The following CDH13 variants were observed in gnomAD, a reference collection of about 807,000 sequenced individuals.
CDH13 encodes cadherin 13, also known as cadherin-13.
Under a neutral mutation model 63.8 loss-of-function variants are expected in CDH13, and 24 were observed. That is an observed-to-expected ratio of 0.38 (90% CI 0.27 to 0.53). The LOEUF (loss-of-function observed/expected upper bound fraction) is 0.53. CDH13 is among the 20% of genes least tolerant of loss of function. The pLI is 0.85. For synonymous variants in CDH13, 503 were observed against 355.3 expected (o/e 1.42, Z -4.67); for missense variants, 1,049 against 903.1 (o/e 1.16, Z -2.07).
chr16:83,281,484 A>G (rs2089174154), intron 5 of CDH13, among the ~76,000 whole-genome samples: 1 of 152,218 alleles, frequency 6.6e-6, no homozygotes, highest in Admixed American at 6.5e-5. Flanking sequence ...CTTCCTTGCC[A>G]TTCATGTGTT....
chr16:83,095,470 A>G (rs904135157), intron 3 of CDH13, among the ~76,000 whole-genome samples: 3 of 152,212 alleles, frequency 2.0e-5, no homozygotes, highest in Non-Finnish European at 4.4e-5. Flanking sequence ...ACCTATCCTC[A>G]CCCTGCTTTT....
At chr16:82,980,922 C>G (rs752637769) in intron 2 of CDH13, among the ~76,000 whole-genome samples, 25 of 152,306 alleles carry the variant, frequency 1.6e-4, no homozygotes, top group Middle Eastern at 3.4e-3. Context: ...AATTGAGTGT[C>G]TTGAAACCCT....
intron 6 of CDH13, among the ~76,000 whole-genome samples, chr16:83,416,307 C>T (rs919056845): frequency 2.6e-5 from 4 of 152,172 alleles, no homozygotes; most frequent in Admixed American, 1.3e-4. Flanking sequence ...ATTGTTAAAA[C>T]ATCCACATTA....
intron 2 of CDH13, among the ~76,000 whole-genome samples, chr16:82,939,034 G>C (rs2042752376): frequency 6.6e-6 from 1 of 152,208 alleles, no homozygotes; most frequent in Non-Finnish European, 1.5e-5. Flanking sequence ...CCTGCAATGG[G>C]AGGTTGTCTG....
chr16:82,913,285 G>C (rs560960308), intron 2 of CDH13, among the ~76,000 whole-genome samples: 5 of 152,150 alleles, frequency 3.3e-5, no homozygotes, highest in Non-Finnish European at 7.4e-5. Context: ...TCGATGCTGC[G>C]TTGTTCTGGG....
At chr16:82,749,106 T>C (rs1243837296) in intron 1 of CDH13, among the ~76,000 whole-genome samples, 1 of 151,756 alleles carries the variant, frequency 6.6e-6, no homozygotes, top group East Asian at 1.9e-4. Flanking sequence ...TTTTTTCAAA[T>C]GGACACAGTG....
intron 9 of CDH13, among the ~76,000 whole-genome samples, chr16:83,676,375 G>A (rs1914956822): frequency 6.6e-6 from 1 of 152,178 alleles, no homozygotes; most frequent in Admixed American, 6.5e-5. Context: ...GCTGTTCAGA[G>A]GGCCCACCCT....
At chr16:83,655,251 T>A (rs1310375043) in intron 8 of CDH13, 2 of 152,284 alleles carry the variant, frequency 1.3e-5, no homozygotes, top group African/African-American at 4.8e-5. Flanking sequence ...CTTCTTAGGA[T>A]GTGCCAGACA....
At chr16:83,674,022 T>C (rs1914743009) in intron 9 of CDH13, among the ~76,000 whole-genome samples, 1 of 152,230 alleles carries the variant, frequency 6.6e-6, no homozygotes. Context: ...CCTTGAGTTC[T>C]ATCTGTCTCT....
chr16:82,840,099 TGAG>T (rs1320063651), intron 1 of CDH13, among the ~76,000 whole-genome samples: 2 of 152,146 alleles, frequency 1.3e-5, no homozygotes, highest in African/African-American at 2.4e-5. Context: ...GTTTGCTTGA[TGAG>T]GAGAAGAGAC....
intron 5 of CDH13, among the ~76,000 whole-genome samples, chr16:83,221,666 G>T (rs544063666): frequency 2.0e-5 from 3 of 150,606 alleles, no homozygotes; most frequent in Non-Finnish European, 3.0e-5. Context: ...ACGGTGGGGG[G>T]GCGGTTGGGA....
intron 2 of CDH13, among the ~76,000 whole-genome samples, chr16:82,905,652 A>G (rs890855702): frequency 1.3e-5 from 2 of 152,232 alleles, no homozygotes; most frequent in African/African-American, 4.8e-5. Flanking sequence ...TAGGTGCATC[A>G]AAAAAGCAAA....
intron 8 of CDH13, among the ~76,000 whole-genome samples, chr16:83,623,136 A>G (rs1909964583): frequency 6.6e-6 from 1 of 152,154 alleles, no homozygotes. Context: ...CAGGAAGAGC[A>G]AACATTGTGT....
intron 2 of CDH13, among the ~76,000 whole-genome samples, chr16:82,868,536 C>T (rs1414088301): frequency 6.6e-6 from 1 of 152,150 alleles, no homozygotes; most frequent in African/African-American, 2.4e-5. Flanking sequence ...CTAACTTGTT[C>T]TTTAAAGAAT....
chr16:82,863,318 C>T (rs1271842446), intron 2 of CDH13, among the ~76,000 whole-genome samples: 1 of 152,182 alleles, frequency 6.6e-6, no homozygotes, highest in African/African-American at 2.4e-5. Flanking sequence ...ACAGAATTAG[C>T]TTCTTAGAAA....
At chr16:83,748,009 G>A in intron 10 of CDH13, 99 bp from the exon 11 acceptor site, 2 of 1,301,100 alleles carry the variant, frequency 1.5e-6, no homozygotes, top group East Asian at 2.3e-5. Context: ...TGTTACCTAG[G>A]ATCCAGCACC....
chr16:82,886,982 C>G (rs1819810118), intron 2 of CDH13, among the ~76,000 whole-genome samples: 1 of 152,152 alleles, frequency 6.6e-6, no homozygotes, highest in South Asian at 2.1e-4. Flanking sequence ...GTGTGCACCT[C>G]TTTCTTTATC....
intron 2 of CDH13, among the ~76,000 whole-genome samples, chr16:82,978,793 C>G (rs1909869394): frequency 6.6e-6 from 1 of 152,250 alleles, no homozygotes; most frequent in Non-Finnish European, 1.5e-5. Context: ...TTGGAGCCCC[C>G]ACACAGAGTC....
At chr16:83,441,688 C>T (rs1279530268) in intron 6 of CDH13, among the ~76,000 whole-genome samples, 1 of 152,106 alleles carries the variant, frequency 6.6e-6, no homozygotes, top group Non-Finnish European at 1.5e-5. Flanking sequence ...TCAGTTAGCT[C>T]TGTGACAGTG....
Sources: gnomAD v4.1 joint callset for allele counts (sites outside exome capture counted in the v4.1 genomes callset) on GRCh38, gnomAD v4.1.1 for gene constraint, MANE v1.5 for transcripts, NCBI Gene and HGNC (gene_info 2026-07-23, HGNC 2026-07-21) for gene names.